EPHA4: variants seen among roughly 807,000 people sequenced by gnomAD.
EPHA4 encodes the protein EPH receptor A4, also known as ephrin type-A receptor 4.
A neutral mutation model predicts 108.3 loss-of-function variants in EPHA4; 19 were observed. The ratio of observed to expected loss-of-function variants is 0.18; its 90% CI spans 0.12 to 0.26. The LOEUF (loss-of-function observed/expected upper bound fraction) is 0.26, where lower values mean the gene tolerates loss of function less well. Ranked by LOEUF, EPHA4 falls within the 10% of genes least tolerant of loss-of-function variation. The pLI, the probability that EPHA4 is intolerant of heterozygous loss-of-function variation, is 1.00. For missense variants in EPHA4, 917 were observed against 1,254.0 expected, an observed-to-expected ratio of 0.73 and a Z score of 4.06; for synonymous variants, 449 against 455.5, an observed-to-expected ratio of 0.99 and a Z score of 0.18.
rs1380814695 is a variant in EPHA4, at chr2:221,446,223, C to T, written c.1716-42G>A. 4 of 1,295,926 alleles carry T rather than the reference C, an allele frequency of 3.1e-6. No homozygotes were observed. In the Admixed American group the frequency reaches 9.6e-5, roughly 31 times the overall value. 80.3% of individuals were successfully genotyped at this position (1,295,926 alleles called of 1,614,324 possible). A position where few individuals can be genotyped will look rare whatever the true frequency, so the allele number is the denominator to read the frequency against. ...AAAAAAGAGAATTATTTTCCTCAAA[C>T]ACCTAAGCTTTAACACATGCCATAA... On this transcript the variant is annotated intron_variant, in intron 8 of 17. Transcript: ENST00000281821.
intron 3 of EPHA4, among the ~76,000 whole-genome samples, chr2:221,541,317 G>A (rs1256816430): frequency 3.9e-5 from 6 of 152,072 alleles, no homozygotes; most frequent in East Asian, 1.9e-4. Context: ...GCAGAGAACC[G>A]AAGCAGCGAG....
intron 4 of EPHA4, among the ~76,000 whole-genome samples, chr2:221,496,418 T>C (rs1574611441): frequency 6.6e-6 from 1 of 152,218 alleles, no homozygotes; most frequent in South Asian, 2.1e-4. Flanking sequence ...ACAATACAGG[T>C]CCATTATATT....
chr2:221,544,170 T>C (rs150270124), intron 3 of EPHA4, among the ~76,000 whole-genome samples: 1 of 152,286 alleles, frequency 6.6e-6, no homozygotes, highest in East Asian at 1.9e-4. Flanking sequence ...GATTTCAACA[T>C]ATAAATTCGA....
chr2:221,481,144 C>T (rs1691804051), intron 5 of EPHA4, among the ~76,000 whole-genome samples: 1 of 152,118 alleles, frequency 6.6e-6, no homozygotes, highest in African/African-American at 2.4e-5. Context: ...GGAAGGAGTA[C>T]AGATGAGTAA....
At chr2:221,544,656 G>T (rs1446312174) in intron 3 of EPHA4, among the ~76,000 whole-genome samples, 3 of 152,130 alleles carry the variant, frequency 2.0e-5, no homozygotes, top group Non-Finnish European at 4.4e-5. Flanking sequence ...GAAAAAAGAA[G>T]AAATACATGA....
intron 1 of EPHA4, among the ~76,000 whole-genome samples, chr2:221,569,076 C>T (rs1227076616): frequency 6.6e-6 from 1 of 152,142 alleles, no homozygotes; most frequent in Non-Finnish European, 1.5e-5. Flanking sequence ...AAGTACAATT[C>T]AAAAAGATAA....
intron 11 of EPHA4, among the ~76,000 whole-genome samples, chr2:221,440,367 C>G (rs1265280577): frequency 6.6e-6 from 1 of 152,150 alleles, no homozygotes; most frequent in East Asian, 1.9e-4. Context: ...CTGTCTGCGA[C>G]AGGAAAAACA....
In EPHA4 at chr2:221,564,260, A is replaced by G; in HGVS notation, c.294T>C (p.Tyr98=). ...WITREGAQRV[Y]IEIKFTLRDC... is the part of the protein sequence containing the mutation. ...CCCTCAAGGTGAATTTAATCTCAATATACACCCTCTGAGCCCCTTCTCGGG... is the reference window on the plus strand; with the variant it reads ...CCCTCAAGGTGAATTTAATCTCAATGTACACCCTCTGAGCCCCTTCTCGGG... Residue 98 remains tyrosine, a synonymous_variant, in exon 3 of 18, where the codon TAT becomes TAC. Coordinates refer to ENST00000281821, the MANE Select transcript of EPHA4 (RefSeq NM_004438.5). 1.9e-6 allele frequency: 3 copies of G among 1,614,018 alleles called. No homozygotes were observed. Among genetic ancestry groups the G allele is most frequent in the Non-Finnish European group, 2.5e-6 (3 of 1,180,000 alleles).
chr2:221,445,293 TAA>T (rs1051516599), intron 9 of EPHA4, among the ~76,000 whole-genome samples: 1 of 152,094 alleles, frequency 6.6e-6, no homozygotes, highest in African/African-American at 2.4e-5. Context: ...ACTGTCCATT[TAA>T]AAGTCTTCTA....
At chr2:221,490,016 T>C (rs1692093504) in intron 4 of EPHA4, among the ~76,000 whole-genome samples, 1 of 151,762 alleles carries the variant, frequency 6.6e-6, no homozygotes, top group African/African-American at 2.4e-5. Flanking sequence ...TGTAGTGGCA[T>C]GTTCCTGTAG....
intron 1 of EPHA4, 57 bp downstream of exon 1, chr2:221,572,101 C>T: frequency 6.8e-7 from 1 of 1,469,474 alleles, no homozygotes; most frequent in Admixed American, 1.7e-5. Flanking sequence ...CTGAGGACCC[C>T]TCACCCGCGA....
chr2:221,420,902 T>C (rs1689740000), intron 17 of EPHA4, among the ~76,000 whole-genome samples: 1 of 152,204 alleles, frequency 6.6e-6, no homozygotes, highest in South Asian at 2.1e-4. Context: ...TTCTAATTGA[T>C]ATTTATGCTT....
intron 5 of EPHA4, among the ~76,000 whole-genome samples, chr2:221,458,737 C>T (rs1691041928): frequency 6.6e-6 from 1 of 152,158 alleles, no homozygotes; most frequent in Non-Finnish European, 1.5e-5. Flanking sequence ...TTTATACACC[C>T]AGGCTGCCCG....
At chr2:221,572,375 T>C (rs1694873060), upstream of EPHA4, 1 of 783,516 alleles carries the variant, frequency 1.3e-6, no homozygotes, top group Non-Finnish European at 2.0e-6. Flanking sequence ...AGCCCGCCAG[T>C]CCGGGGCCCG....
chr2:221,499,377 T>C (rs1692402028), intron 4 of EPHA4, among the ~76,000 whole-genome samples: 1 of 150,962 alleles, frequency 6.6e-6, no homozygotes, highest in Non-Finnish European at 1.5e-5. Context: ...AAATAAAGAT[T>C]ATACCTACCT....
At chr2:221,542,337 A>T (rs113193387) in intron 3 of EPHA4, among the ~76,000 whole-genome samples, 60 of 152,356 alleles carry the variant, frequency 3.9e-4, no homozygotes, top group African/African-American at 1.3e-3. Context: ...TAGTACAGGC[A>T]TTTAGATGAC....
chr2:221,561,104 T>C (rs1694449463), intron 3 of EPHA4, among the ~76,000 whole-genome samples: 1 of 151,876 alleles, frequency 6.6e-6, no homozygotes, highest in Non-Finnish European at 1.5e-5. Context: ...TAGCCAGGCG[T>C]GGTGGCGGGC....
intron 12 of EPHA4, 86 bp from the exon 13 acceptor site, chr2:221,436,694 G>T: frequency 2.2e-6 from 3 of 1,357,662 alleles, no homozygotes; most frequent in Non-Finnish European, 1.0e-6. Flanking sequence ...AATCTTTTTG[G>T]GTATCTGTAT....
At chr2:221,465,295 G>A (rs183507521) in intron 5 of EPHA4, among the ~76,000 whole-genome samples, 3 of 152,248 alleles carry the variant, frequency 2.0e-5, no homozygotes, top group East Asian at 1.9e-4. Context: ...AATAGAAGAC[G>A]AAAATTTTAT....
Sources: allele counts gnomAD v4.1 joint callset (sites outside exome capture counted in the v4.1 genomes callset), GRCh38; gene constraint gnomAD v4.1.1; transcripts MANE v1.5; gene names NCBI Gene and HGNC (gene_info 2026-07-23, HGNC 2026-07-21).